The following ADGRG7 variants were observed in gnomAD, a reference collection of about 807,000 sequenced individuals.
ADGRG7 encodes adhesion G protein-coupled receptor G7.
A neutral mutation model predicts 88.6 loss-of-function variants in ADGRG7; 82 were observed. The ratio of observed to expected loss-of-function variants is 0.93; its 90% CI spans 0.77 to 1.11. The LOEUF is 1.11. Among genes scored for constraint, ADGRG7 ranks in the 50% most tolerant of loss-of-function variants. ADGRG7 has a pLI of 0.00. For synonymous variants in ADGRG7, 381 were observed against 345.2 expected (o/e 1.10, Z -1.15); for missense variants, 945 against 953.4 (o/e 0.99, Z 0.12).
chr3:100,645,753 G>C (rs997623683), intron 8 of ADGRG7, among the ~76,000 whole-genome samples, 192 bp from the exon 9 acceptor site: 3 of 152,046 alleles, frequency 2.0e-5, no homozygotes, highest in Admixed American at 6.6e-5. Flanking sequence ...ATTAATGTGG[G>C]TGGAATGGCC....
intron 15 of ADGRG7, among the ~76,000 whole-genome samples, chr3:100,673,153 A>G (rs1267488059): frequency 1.3e-5 from 2 of 151,906 alleles, no homozygotes; most frequent in Non-Finnish European, 2.9e-5. Context: ...TCCTCTTTTT[A>G]CCTCTGGTAG....
chr3:100,629,638 C>T lies in ADGRG7; in HGVS notation c.156C>T (p.Cys52=), dbSNP rs764644386. 2.5e-6 allele frequency: 4 copies of T among 1,613,050 alleles called. No individual in the cohort carries two copies. In the Admixed American group the frequency reaches 6.7e-5, roughly 27 times the overall value. ...CATCAAGCACCCCTACAGAGTTCTGCAGGAATGGTGGAACCTGGGAAAATG... is the reference window on the plus strand; with the variant it reads ...CATCAAGCACCCCTACAGAGTTCTGTAGGAATGGTGGAACCTGGGAAAATG... The part of the protein sequence containing the change: ...TSSSSTPTEF[C]RNGGTWENGR... Residue 52 remains cysteine (C), a synonymous_variant, in exon 2 of 16, where the codon TGC becomes TGT. Transcript: ENST00000273352.
chr3:100,675,655 T>G (rs527955784), intron 15 of ADGRG7, among the ~76,000 whole-genome samples: 27 of 152,260 alleles, frequency 1.8e-4, no homozygotes, highest in African/African-American at 5.5e-4. Context: ...TTTGCCTCTA[T>G]TTTTTGGAGT....
intron 15 of ADGRG7, among the ~76,000 whole-genome samples, chr3:100,691,500 T>C (rs1200586083): frequency 5.3e-5 from 8 of 152,138 alleles, no homozygotes; most frequent in Non-Finnish European, 1.2e-4. Context: ...TCGGCCATCT[T>C]GGCTCCACCC....
chr3:100,684,284 G>A (rs951162380), intron 15 of ADGRG7, among the ~76,000 whole-genome samples: 2 of 12,306 alleles, frequency 1.6e-4, no homozygotes, highest in African/African-American at 3.5e-4. Flanking sequence ...TATTTATTGA[G>A]ACAGGGTCTT....
At chr3:100,610,085 C>A in intron 1 of ADGRG7, 114 bp downstream of exon 1, 3 of 764,644 alleles carry the variant, frequency 3.9e-6, no homozygotes, top group South Asian at 1.6e-5. Flanking sequence ...GGCATTCCAC[C>A]AAGGTGCCAT....
At chr3:100,655,614 G>C (rs946148741) in intron 12 of ADGRG7, among the ~76,000 whole-genome samples, 1 of 152,188 alleles carries the variant, frequency 6.6e-6, no homozygotes, top group African/African-American at 2.4e-5. Context: ...ATGTATTCAA[G>C]TGACTGAGGA....
At chr3:100,612,180 A>G (rs368018531) in intron 1 of ADGRG7, among the ~76,000 whole-genome samples, 7 of 152,146 alleles carry the variant, frequency 4.6e-5, no homozygotes, top group Admixed American at 4.6e-4. Context: ...TTTCACTTTT[A>G]TTTTTCTTGG....
At chr3:100,616,892 A>G (rs897296433) in intron 1 of ADGRG7, among the ~76,000 whole-genome samples, 3 of 152,140 alleles carry the variant, frequency 2.0e-5, no homozygotes, top group Non-Finnish European at 4.4e-5. Flanking sequence ...ATGGAAAAGA[A>G]AGCTAGGAAA....
At chr3:100,629,376 C>A (rs1707425165) in intron 1 of ADGRG7, among the ~76,000 whole-genome samples, 1 of 151,892 alleles carries the variant, frequency 6.6e-6, no homozygotes. Flanking sequence ...AGTATTATGT[C>A]TTTCAACTAC....
chr3:100,637,729 CT>C (rs1466771174), intron 6 of ADGRG7, among the ~76,000 whole-genome samples: 1 of 152,210 alleles, frequency 6.6e-6, no homozygotes, highest in Non-Finnish European at 1.5e-5. Flanking sequence ...CTTCCAAATT[CT>C]TTTGCAAAAC....
chr3:100,611,780 C>T (rs1707158068), intron 1 of ADGRG7, among the ~76,000 whole-genome samples: 1 of 152,182 alleles, frequency 6.6e-6, no homozygotes, highest in Non-Finnish European at 1.5e-5. Flanking sequence ...AGACTGGCAC[C>T]ATTTGCTGTT....
intron 15 of ADGRG7, among the ~76,000 whole-genome samples, chr3:100,687,531 ATTATT>A (rs1576340841): frequency 6.6e-6 from 1 of 152,068 alleles, no homozygotes; most frequent in African/African-American, 2.4e-5. Flanking sequence ...GATAGCTCTT[ATTATT>A]TTGAGATACA....
At chr3:100,633,067 C>CAAAGGAAGG (rs1257499137) in intron 3 of ADGRG7, among the ~76,000 whole-genome samples, 198 bp from the exon 4 acceptor site, 1 of 151,988 alleles carries the variant, frequency 6.6e-6, no homozygotes, top group Non-Finnish European at 1.5e-5. Context: ...TTGAAGACAT[C>CAAAGGAAGG]AAAGGAAGGA....
chr3:100,659,817 G>A lies in ADGRG7; in HGVS notation c.1953G>A (p.Leu651=). Residue 651 remains leucine, a synonymous_variant, in exon 14 of 16, where the codon CTG becomes CTA. Coordinates refer to ENST00000273352, the MANE Select transcript of ADGRG7 (RefSeq NM_032787.3). ...VMFITISIKV[L]WKNNQNLTST... is the part of the protein sequence containing the mutation. ...TTATTACAATCTCGATCAAAGTGCT[G>A]TGGAAGAATAACCAGAACCTGACAA... 6.2e-7 allele frequency: 1 copy of A among 1,613,912 alleles called. No homozygotes were observed. The highest frequency in any genetic ancestry group is 8.5e-7 in the Non-Finnish European group (1 of 1,179,942).
chr3:100,678,410 G>T (rs115589208), intron 15 of ADGRG7, among the ~76,000 whole-genome samples: 1,541 of 152,162 alleles, frequency 0.01, 22 homozygotes, highest in African/African-American at 0.024. Flanking sequence ...ACATATCTCT[G>T]TCTCTCTGGG....
intron 4 of ADGRG7, among the ~76,000 whole-genome samples, chr3:100,634,080 A>G (rs1458958131): frequency 1.3e-5 from 2 of 152,232 alleles, no homozygotes; most frequent in South Asian, 2.1e-4. Context: ...TGCGGGTCTC[A>G]GGGCAGTATC....
At chr3:100,643,236 G>A in intron 6 of ADGRG7, 30 bp from the exon 7 acceptor site, 1 of 1,594,920 alleles carries the variant, frequency 6.3e-7, no homozygotes, top group Non-Finnish European at 8.6e-7. Context: ...ACAAAATCTT[G>A]AGTATTAAAT....
chr3:100,642,372 C>A (rs1057336265), intron 6 of ADGRG7, among the ~76,000 whole-genome samples: 1 of 152,136 alleles, frequency 6.6e-6, no homozygotes, highest in Non-Finnish European at 1.5e-5. Flanking sequence ...TGTTTCCATA[C>A]GAATGATGAT....
Sources: allele counts gnomAD v4.1 joint callset (sites outside exome capture counted in the v4.1 genomes callset), GRCh38; gene constraint gnomAD v4.1.1; transcripts MANE v1.5; gene names NCBI Gene and HGNC (gene_info 2026-07-23, HGNC 2026-07-21).